Variants in ANKFN1 observed in about 807,000 individuals in gnomAD.
The protein encoded by ANKFN1 is ankyrin repeat and fibronectin type-III domain-containing protein 1.
ANKFN1 carries 74 observed loss-of-function variants against 108.7 expected under a neutral mutation model. The ratio of observed to expected loss-of-function variants is 0.68; its 90% CI spans 0.56 to 0.83. The LOEUF is 0.83. ANKFN1 is among the 40% of genes least tolerant of loss of function. ANKFN1 has a pLI of 0.00. For missense variants in ANKFN1, 1,505 were observed against 1,382.3 expected, an observed-to-expected ratio of 1.09 and a Z score of -1.41; for synonymous variants, 547 against 516.2, an observed-to-expected ratio of 1.06 and a Z score of -0.81.
chr17:56,364,197 A>G (rs2046599912), intron 6 of ANKFN1, among the ~76,000 whole-genome samples: 1 of 152,156 alleles, frequency 6.6e-6, no homozygotes, highest in Non-Finnish European at 1.5e-5. Flanking sequence ...TATCCCATAA[A>G]TACATGACAT....
intron 6 of ANKFN1, among the ~76,000 whole-genome samples, chr17:56,372,010 A>G (rs569312613): frequency 1.3e-5 from 2 of 152,210 alleles, no homozygotes; most frequent in Non-Finnish European, 2.9e-5. Flanking sequence ...TTCTGATCAC[A>G]TTCAAGTCAG....
chr17:56,227,596 C>G (rs780870623), intron 2 of ANKFN1, among the ~76,000 whole-genome samples: 4 of 152,090 alleles, frequency 2.6e-5, no homozygotes, highest in Non-Finnish European at 4.4e-5. Context: ...AATGAGCCAG[C>G]CAGACTTACC....
intron 3 of ANKFN1, among the ~76,000 whole-genome samples, chr17:56,268,124 A>G (rs1246477172): frequency 6.6e-6 from 1 of 152,016 alleles, no homozygotes; most frequent in Non-Finnish European, 1.5e-5. Flanking sequence ...ATAACAAAAT[A>G]TACATTCTTC....
intron 11 of ANKFN1, among the ~76,000 whole-genome samples, chr17:56,455,975 A>G (rs1002474625): frequency 1.3e-5 from 2 of 152,194 alleles, no homozygotes; most frequent in African/African-American, 4.8e-5. Flanking sequence ...GTAAACCAAC[A>G]TACACAATGA....
At chr17:56,167,051 G>A (rs955880159) in intron 1 of ANKFN1, among the ~76,000 whole-genome samples, 1 of 151,794 alleles carries the variant, frequency 6.6e-6, no homozygotes, top group African/African-American at 2.4e-5. Context: ...TTGTTTAACA[G>A]AAGGAAGAAA....
At chr17:56,381,456 GAGA>G (rs2047101497) in intron 8 of ANKFN1, among the ~76,000 whole-genome samples, 1 of 152,250 alleles carries the variant, frequency 6.6e-6, no homozygotes, top group Non-Finnish European at 1.5e-5. Flanking sequence ...GATGAGTTGA[GAGA>G]AGAAGGCATC....
chr17:56,243,710 C>T (rs951950985), intron 3 of ANKFN1, among the ~76,000 whole-genome samples: 2 of 152,068 alleles, frequency 1.3e-5, no homozygotes, highest in Non-Finnish European at 2.9e-5. Context: ...CCCATCCCAT[C>T]CCCTGTTTAT....
chr17:56,315,547 T>C (rs2045178631), intron 3 of ANKFN1, among the ~76,000 whole-genome samples: 2 of 152,212 alleles, frequency 1.3e-5, no homozygotes, highest in South Asian at 4.1e-4. Context: ...TCCCAAATAG[T>C]GAAGGAAGTG....
At chr17:56,095,808 CA>C (rs1324819431) in intron 4 of ANKFN1, among the ~76,000 whole-genome samples, 1 of 152,122 alleles carries the variant, frequency 6.6e-6, no homozygotes, top group Non-Finnish European at 1.5e-5. Context: ...AGCAGAAATC[CA>C]AAATGCAGGA....
intron 4 of ANKFN1, among the ~76,000 whole-genome samples, chr17:56,124,078 C>T (rs1264976675): frequency 2.0e-5 from 3 of 152,130 alleles, no homozygotes; most frequent in South Asian, 4.1e-4. Flanking sequence ...CTGTATTTAA[C>T]AAACTCTAAG....
intron 4 of ANKFN1, among the ~76,000 whole-genome samples, chr17:56,094,744 T>G (rs934695334): frequency 6.7e-6 from 1 of 148,736 alleles, no homozygotes; most frequent in Non-Finnish European, 1.5e-5. Context: ...ATGGTCTTGA[T>G]CTCCTGACTT....
At chr17:56,131,090 C>T (rs899050478) in intron 4 of ANKFN1, among the ~76,000 whole-genome samples, 3 of 152,090 alleles carry the variant, frequency 2.0e-5, no homozygotes, top group African/African-American at 7.2e-5. Context: ...CAGTATGATA[C>T]CAAAGAGCTC....
chr17:56,381,893 C>G (rs867533216), intron 8 of ANKFN1, among the ~76,000 whole-genome samples: 1 of 152,130 alleles, frequency 6.6e-6, no homozygotes, highest in African/African-American at 2.4e-5. Context: ...CTTCCCCAAT[C>G]TAGCAAGGCA....
chr17:56,170,047 G>C (rs1319220881), intron 1 of ANKFN1, among the ~76,000 whole-genome samples: 1 of 152,134 alleles, frequency 6.6e-6, no homozygotes, highest in Non-Finnish European at 1.5e-5. Flanking sequence ...GACCTTGCAA[G>C]CCCCCATCCC....
intron 1 of ANKFN1, among the ~76,000 whole-genome samples, chr17:56,179,967 C>A (rs558879141): frequency 2.0e-5 from 3 of 152,224 alleles, no homozygotes; most frequent in East Asian, 1.9e-4. Context: ...GATGTCTAAC[C>A]AGGGAAGGTG....
chr17:56,060,642 G>A (rs1183355801), intron 4 of ANKFN1, among the ~76,000 whole-genome samples: 1 of 152,128 alleles, frequency 6.6e-6, no homozygotes, highest in Non-Finnish European at 1.5e-5. Flanking sequence ...TAACATGAAG[G>A]GATGTTGAAT....
intron 2 of ANKFN1, among the ~76,000 whole-genome samples, chr17:56,221,980 T>G (rs951573121): frequency 1.2e-4 from 19 of 152,154 alleles, no homozygotes; most frequent in Non-Finnish European, 5.9e-5. Flanking sequence ...GTGTGGAAAC[T>G]TGTAAGAAAT....
chr17:56,129,078 G>C (rs1006128635), intron 4 of ANKFN1, among the ~76,000 whole-genome samples: 7 of 152,320 alleles, frequency 4.6e-5, no homozygotes, highest in African/African-American at 1.7e-4. Flanking sequence ...GAAGCAATCA[G>C]TGTCTTGCAG....
chr17:56,253,609 G>A lies in ANKFN1; in HGVS notation c.53+25652G>A, dbSNP rs575247367. 2.0e-5 allele frequency among the ~76,000 whole-genome samples: 3 copies of A among 152,208 alleles called. No homozygotes were observed. In the East Asian group the frequency reaches 5.8e-4, roughly 29 times the overall value. On this transcript the variant is annotated intron_variant, in intron 3 of 20. Coordinates refer to ENST00000682825, the MANE Select transcript of ANKFN1 (RefSeq NM_001370326.1). ...AAAAATTAGCAGGGCATGGTGGCAT[G>A]CACCTATATCCCGGCTATTTAGGAG...
Sources: allele counts gnomAD v4.1 joint callset (sites outside exome capture counted in the v4.1 genomes callset), GRCh38; gene constraint gnomAD v4.1.1; transcripts MANE v1.5; gene names NCBI Gene and HGNC (gene_info 2026-07-23, HGNC 2026-07-21).